NRXN1: variants seen among roughly 807,000 people sequenced by gnomAD.
NRXN1 encodes neurexin 1, also known as neurexin-1.
NRXN1 carries 39 observed loss-of-function variants against 150.9 expected under a neutral mutation model. The observed-to-expected ratio is 0.26, with a 90% CI of 0.20 to 0.34. The LOEUF is 0.34. NRXN1 is among the 10% of genes least tolerant of loss of function. NRXN1 has a pLI of 1.00. For synonymous variants in NRXN1, 924 were observed against 757.0 expected (o/e 1.22, Z -3.62); for missense variants, 1,815 against 1,949.9 (o/e 0.93, Z 1.30).
intron 18 of NRXN1, among the ~76,000 whole-genome samples, chr2:50,181,259 T>C (rs76189321): frequency 6.6e-6 from 1 of 151,924 alleles, no homozygotes; most frequent in Non-Finnish European, 1.5e-5. Context: ...AACCTATGTA[T>C]TGCAATTAAT....
At chr2:50,493,501 T>TGAGAAACCC (rs1424855122) in intron 15 of NRXN1, among the ~76,000 whole-genome samples, 18 of 152,160 alleles carry the variant, frequency 1.2e-4, no homozygotes, top group Non-Finnish European at 2.2e-4. Flanking sequence ...GAGCTTTGCA[T>TGAGAAACCC]TGCAGAAACC....
intron 5 of NRXN1, among the ~76,000 whole-genome samples, chr2:50,843,851 T>C (rs1673229751): frequency 6.6e-6 from 1 of 152,080 alleles, no homozygotes; most frequent in Non-Finnish European, 1.5e-5. Flanking sequence ...CCCTCAAACG[T>C]CTCACAATGC....
At chr2:50,475,212 C>A (rs1413194469) in intron 15 of NRXN1, among the ~76,000 whole-genome samples, 2 of 151,950 alleles carry the variant, frequency 1.3e-5, no homozygotes, top group African/African-American at 2.4e-5. Context: ...ATGTAGAACT[C>A]AGTAATAGAA....
In NRXN1 at chr2:49,919,030, C is replaced by T. The variant is rs918182430; in HGVS notation, c.*2914G>A. 1.3e-5 allele frequency: 2 copies of T among 152,028 alleles called. No homozygotes were observed. The highest frequency in any genetic ancestry group is 6.6e-5 in the Admixed American group (1 of 15,242). The allele number at this position is 152,028 out of a possible 1,614,324, so 9.4% of individuals were successfully genotyped here. ...GCACTAGAAGGGTAGGGTTATGTGG[C>T]CTTTCTTTGATGTCTTAGGGATTGA... is the stretch of plus-strand genomic sequence containing the variant. On this transcript the variant is annotated 3_prime_UTR_variant, in exon 23 of 23. Coordinates refer to ENST00000401669, the MANE Select transcript of NRXN1 (RefSeq NM_001330078.2).
chr2:50,796,315 C>T (rs1233902748), intron 5 of NRXN1, among the ~76,000 whole-genome samples: 1 of 152,160 alleles, frequency 6.6e-6, no homozygotes, highest in African/African-American at 2.4e-5. Flanking sequence ...ATTTTAACCA[C>T]TTCATCATAT....
At chr2:49,967,085 T>C (rs1310985356) in intron 21 of NRXN1, among the ~76,000 whole-genome samples, 42 of 152,146 alleles carry the variant, frequency 2.8e-4, no homozygotes, top group Admixed American at 2.7e-3. Flanking sequence ...CCCAAAGTAG[T>C]CTTATGACAC....
intron 17 of NRXN1, among the ~76,000 whole-genome samples, chr2:50,415,248 T>C (rs1388875878): frequency 6.6e-6 from 1 of 152,108 alleles, no homozygotes; most frequent in African/African-American, 2.4e-5. Flanking sequence ...TAAATTACAG[T>C]TAAAGTTATT....
intron 21 of NRXN1, among the ~76,000 whole-genome samples, chr2:50,034,142 G>A (rs1689638656): frequency 6.6e-6 from 1 of 152,024 alleles, no homozygotes; most frequent in Non-Finnish European, 1.5e-5. Context: ...CCATTACTGA[G>A]TATATACCCA....
intron 2 of NRXN1, among the ~76,000 whole-genome samples, chr2:50,933,998 AT>A (rs1453167436): frequency 6.6e-6 from 1 of 152,156 alleles, no homozygotes; most frequent in African/African-American, 2.4e-5. Flanking sequence ...TACCAAAACA[AT>A]TTCAAGAAAA....
intron 5 of NRXN1, among the ~76,000 whole-genome samples, chr2:50,811,937 T>A (rs1420657667): frequency 6.6e-6 from 1 of 152,182 alleles, no homozygotes; most frequent in Non-Finnish European, 1.5e-5. Context: ...GTACAATATT[T>A]AAAATTCTAA....
chr2:50,811,769 T>C (rs765593731), intron 5 of NRXN1, among the ~76,000 whole-genome samples: 13 of 152,164 alleles, frequency 8.5e-5, no homozygotes, highest in Admixed American at 3.9e-4. Flanking sequence ...AAAAATCTAA[T>C]AGAGACTTTC....
chr2:50,965,195 G>A (rs550744724), intron 2 of NRXN1, among the ~76,000 whole-genome samples: 1 of 151,212 alleles, frequency 6.6e-6, no homozygotes, highest in African/African-American at 2.4e-5. Flanking sequence ...TGTGTCATAT[G>A]TATTTACAGA....
intron 18 of NRXN1, among the ~76,000 whole-genome samples, chr2:50,142,043 G>A (rs1707347248): frequency 6.6e-6 from 1 of 151,988 alleles, no homozygotes; most frequent in Admixed American, 6.6e-5. Context: ...GCAAAGACAT[G>A]GAATCAATCA....
At chr2:49,970,693 A>T (rs1677792450) in intron 21 of NRXN1, 2 of 152,148 alleles carry the variant, frequency 1.3e-5, no homozygotes, top group Non-Finnish European at 2.9e-5. Flanking sequence ...TCTAGTGTAA[A>T]TTTTAAAAAC....
chr2:50,352,321 A>C (rs2078470360), intron 17 of NRXN1, among the ~76,000 whole-genome samples: 1 of 152,096 alleles, frequency 6.6e-6, no homozygotes, highest in African/African-American at 2.4e-5. Context: ...ACAAAAATCA[A>C]CCTTTTTGTC....
chr2:50,829,540 G>T (rs1372381907), intron 5 of NRXN1: 3 of 1,610,672 alleles, frequency 1.9e-6, no homozygotes, highest in African/African-American at 2.7e-5. Context: ...GCCTTATAAG[G>T]GATCTTAGGA....
rs533842548 is a variant in NRXN1 at position 50,236,553 on chromosome 2, C to T, written c.3546+236G>A. ...ATTTTTTTAAAAATTATTTTGAACA[C>T]AGAATTAAGAGGAATTCACACTCCA... On this transcript the variant is annotated intron_variant, in intron 18 of 22. Transcript: ENST00000401669. Among the ~76,000 whole-genome samples the T allele has an allele frequency of 3.7e-4, 49 of 132,490 alleles. 1 individual carries two copies. Among genetic ancestry groups the T allele is most frequent in the African/African-American group, 1.3e-3 (46 of 34,880 alleles). The allele number at this position is 132,490 out of a possible 152,430, so 86.9% of individuals were successfully genotyped here.
intron 19 of NRXN1, among the ~76,000 whole-genome samples, chr2:50,078,560 A>C (rs1697436451): frequency 2.6e-5 from 4 of 152,016 alleles, no homozygotes. Context: ...TTTCTATTGC[A>C]GGATCTAACC....
At chr2:50,881,964 G>A (rs1204807202) in intron 5 of NRXN1, among the ~76,000 whole-genome samples, 4 of 151,366 alleles carry the variant, frequency 2.6e-5, no homozygotes, top group Middle Eastern at 3.4e-3. Context: ...GAAGGGGGAG[G>A]GAGCGAAAAT....
Sources: allele counts gnomAD v4.1 joint callset (sites outside exome capture counted in the v4.1 genomes callset), GRCh38; gene constraint gnomAD v4.1.1; transcripts MANE v1.5; gene names NCBI Gene and HGNC (gene_info 2026-07-23, HGNC 2026-07-21).